The following MAST4 variants were observed in gnomAD, a reference collection of about 807,000 sequenced individuals.
MAST4 encodes microtubule-associated serine/threonine-protein kinase 4.
In MAST4, 89 loss-of-function variants were observed where a neutral mutation model predicts 162.7. The ratio of observed to expected loss-of-function variants is 0.55; its 90% CI spans 0.46 to 0.65. The LOEUF (loss-of-function observed/expected upper bound fraction) is 0.65, where lower values mean the gene tolerates loss of function less well. MAST4 is among the 30% of genes least tolerant of loss of function. The probability of loss-of-function intolerance (pLI) is 0.00; values close to 1 mark genes in which losing one functional copy is unlikely to be tolerated. For synonymous variants in MAST4, 1,479 were observed against 1,361.1 expected (o/e 1.09, Z -1.91); for missense variants, 3,153 against 3,374.0 (o/e 0.93, Z 1.62).
chr5:66,794,023 C>T (rs1209378748), intron 3 of MAST4, among the ~76,000 whole-genome samples: 1 of 152,186 alleles, frequency 6.6e-6, no homozygotes, highest in East Asian at 1.9e-4. Context: ...TTGTTGAATG[C>T]ATAAACATAT....
chr5:67,080,430 G>T (rs1472082451), intron 5 of MAST4, among the ~76,000 whole-genome samples: 1 of 152,096 alleles, frequency 6.6e-6, no homozygotes, highest in Non-Finnish European at 1.5e-5. Flanking sequence ...GCTGTGTAAG[G>T]TAGTGATTCT....
chr5:66,935,696 C>G (rs1489896204), intron 4 of MAST4, among the ~76,000 whole-genome samples: 1 of 148,186 alleles, frequency 6.7e-6, no homozygotes, highest in African/African-American at 2.5e-5. Context: ...TTGAGACAGT[C>G]TCGCTCTGTT....
chr5:66,630,341 C>T (rs1310999377), intron 1 of MAST4, among the ~76,000 whole-genome samples: 2 of 152,102 alleles, frequency 1.3e-5, no homozygotes, highest in Admixed American at 1.3e-4. Context: ...ATGTCAACTC[C>T]GCATCCTGTT....
chr5:66,800,875 A>C (rs1755886431), intron 3 of MAST4, among the ~76,000 whole-genome samples: 1 of 152,170 alleles, frequency 6.6e-6, no homozygotes. Flanking sequence ...ATACAACAAA[A>C]ATGTGACTTG....
intron 4 of MAST4, among the ~76,000 whole-genome samples, chr5:66,981,737 A>G (rs562759976): frequency 3.9e-5 from 6 of 152,224 alleles, no homozygotes; most frequent in Non-Finnish European, 8.8e-5. Context: ...TTTAAATTTG[A>G]GATTTCATTT....
chr5:66,927,877 A>G (rs1765021238), intron 4 of MAST4, among the ~76,000 whole-genome samples: 1 of 152,080 alleles, frequency 6.6e-6, no homozygotes, highest in African/African-American at 2.4e-5. Flanking sequence ...ATGAGGGAGA[A>G]CCTGTTCCAT....
chr5:66,688,487 T>A (rs1748834517), intron 1 of MAST4, among the ~76,000 whole-genome samples: 1 of 152,200 alleles, frequency 6.6e-6, no homozygotes, highest in African/African-American at 2.4e-5. Flanking sequence ...AAGGGCTGAA[T>A]TCTGCAGAAG....
intron 3 of MAST4, 122 bp downstream of exon 3, chr5:66,788,916 G>A (rs1755253060): frequency 7.9e-7 from 1 of 1,258,152 alleles, no homozygotes; most frequent in Admixed American, 3.5e-5. Context: ...CACATATTTG[G>A]CAATGTGGAA....
rs558621730 is a variant in MAST4, at chr5:67,164,995, C to A, written c.5816C>A (p.Thr1939Asn). The change falls in exon 29 of 29, where the codon ACC becomes AAC. Residue 1939 changes from threonine (T) to asparagine (N), a missense_variant. Transcript: ENST00000403625. This position sits in a 1 kb window ranked among gnomAD's most constrained non-coding sequence, Gnocchi z 5.3. ...QDHTTDPKLL[T>N]CLGQNLHSPD... ...CACACCACTGACCCCAAGCTTCTGA[C>A]CTGCCTGGGGCAGAACCTCCACAGC... The A allele has an allele frequency of 1.2e-6, 2 of 1,613,834 alleles. No homozygotes were observed. Among genetic ancestry groups the A allele is most frequent in the East Asian group, 4.5e-5 (2 of 44,862 alleles).
intron 3 of MAST4, chr5:66,789,856 C>T (rs76421945): frequency 2.1e-6 from 1 of 465,208 alleles, no homozygotes; most frequent in Non-Finnish European, 4.3e-6. Context: ...TCACTCTTTT[C>T]TATGTTTGAA....
intron 1 of MAST4, among the ~76,000 whole-genome samples, chr5:66,668,397 C>A (rs1747402033): frequency 2.0e-5 from 3 of 152,148 alleles, no homozygotes; most frequent in Admixed American, 2.0e-4. Flanking sequence ...AATCTCCAGG[C>A]TTTTTACTGA....
chr5:67,139,123 C>T (rs1356819723), intron 19 of MAST4, among the ~76,000 whole-genome samples: 1 of 152,212 alleles, frequency 6.6e-6, no homozygotes, highest in African/African-American at 2.4e-5. Context: ...TTAGAATTGT[C>T]AAGTGCTTGC....
chr5:66,621,626 C>T (rs967202679), intron 1 of MAST4, among the ~76,000 whole-genome samples: 3 of 152,186 alleles, frequency 2.0e-5, no homozygotes, highest in African/African-American at 7.2e-5. Flanking sequence ...TAAAAAAAGT[C>T]ACTAGTGTAT....
chr5:66,936,986 C>T (rs527978313), intron 4 of MAST4, among the ~76,000 whole-genome samples: 11 of 152,166 alleles, frequency 7.2e-5, no homozygotes, highest in Non-Finnish European at 1.5e-4. Context: ...AATTATATCT[C>T]CCACTGCTTT....
chr5:66,877,674 A>G (rs1761397501), intron 3 of MAST4, among the ~76,000 whole-genome samples: 1 of 152,232 alleles, frequency 6.6e-6, no homozygotes, highest in Non-Finnish European at 1.5e-5. Context: ...GTGTGTGCAC[A>G]TGTATATAAA....
At chr5:66,789,768 G>T in intron 3 of MAST4, 1 of 518,732 alleles carries the variant, frequency 1.9e-6, no homozygotes, top group Non-Finnish European at 3.8e-6. Context: ...TGAGCAACCT[G>T]GGAGGTACTT....
intron 5 of MAST4, among the ~76,000 whole-genome samples, chr5:67,076,831 CAGA>C (rs1761709750): frequency 1.3e-5 from 2 of 152,174 alleles, no homozygotes; most frequent in African/African-American, 4.8e-5. Context: ...AAGTGATTCC[CAGA>C]TGAGCAGCAG....
intron 4 of MAST4, among the ~76,000 whole-genome samples, chr5:66,987,432 CT>C (rs11315007): frequency 0.81 from 122,768 of 151,578 alleles, 49,797 homozygotes; most frequent in East Asian, 0.84. Context: ...TTATAATACC[CT>C]TTTTTTTGTA....
At chr5:66,629,593 G>T (rs1744668320) in intron 1 of MAST4, among the ~76,000 whole-genome samples, 1 of 152,154 alleles carries the variant, frequency 6.6e-6, no homozygotes, top group African/African-American at 2.4e-5. Flanking sequence ...ATTTATAGCA[G>T]CTGCTGTCTG....
Sources: gnomAD v4.1 joint callset for allele counts (sites outside exome capture counted in the v4.1 genomes callset) on GRCh38, gnomAD v4.1.1 for gene constraint, Gnocchi (gnomAD v3.1) non-coding constraint, MANE v1.5 for transcripts, NCBI Gene and HGNC (gene_info 2026-07-23, HGNC 2026-07-21) for gene names.